The following ANKRD36 variants were observed in gnomAD, a reference collection of about 807,000 sequenced individuals.
The protein encoded by ANKRD36 is ankyrin repeat domain-containing protein 36A.
Under a neutral mutation model 278.1 loss-of-function variants are expected in ANKRD36, and 179 were observed. The ratio of observed to expected loss-of-function variants is 0.64; its 90% CI spans 0.57 to 0.73. The LOEUF (loss-of-function observed/expected upper bound fraction) is 0.73. Among genes scored for constraint, ANKRD36 ranks in the 30% least tolerant of loss-of-function variants. The probability of loss-of-function intolerance (pLI) is 0.00; values close to 1 mark genes in which losing one functional copy is unlikely to be tolerated. For synonymous variants in ANKRD36, 320 were observed against 641.1 expected (o/e 0.50, Z 7.57); for missense variants, 1,159 against 1,956.7 (o/e 0.59, Z 7.69).
chr2:97,166,088 T>A (rs1373109436), intron 20 of ANKRD36, among the ~76,000 whole-genome samples: 1 of 151,336 alleles, frequency 6.6e-6, no homozygotes, highest in African/African-American at 2.4e-5. Flanking sequence ...AATGGTGTAA[T>A]GTGTATTTAA....
chr2:97,184,809 TC>T (rs1409716738), intron 28 of ANKRD36, among the ~76,000 whole-genome samples: 1 of 151,770 alleles, frequency 6.6e-6, no homozygotes, highest in African/African-American at 2.4e-5. Context: ...TCAATTTAGA[TC>T]CCTTCCACTT....
intron 42 of ANKRD36, among the ~76,000 whole-genome samples, chr2:97,197,159 C>T (rs1350673682): frequency 2.0e-5 from 3 of 151,864 alleles, no homozygotes; most frequent in Non-Finnish European, 2.9e-5. Context: ...TAAAAACAGA[C>T]AGAAAACTTG....
intron 66 of ANKRD36, among the ~76,000 whole-genome samples, chr2:97,220,756 A>ATTTT (rs1229484526): frequency 2.4e-4 from 16 of 66,206 alleles, no homozygotes; most frequent in African/African-American, 9.4e-4. Flanking sequence ...TTAATTTTTA[A>ATTTT]TTTTCTTTTT....
intron 14 of ANKRD36, among the ~76,000 whole-genome samples, chr2:97,153,973 A>C (rs549259011): frequency 0.013 from 1,920 of 148,544 alleles, 9 homozygotes; most frequent in African/African-American, 0.044. Context: ...TGTGGACCTG[A>C]ATAAGGCAGG....
chr2:97,210,837 G>A (rs2064284085), intron 56 of ANKRD36, among the ~76,000 whole-genome samples: 5 of 151,806 alleles, frequency 3.3e-5, no homozygotes, highest in Admixed American at 3.3e-4. Flanking sequence ...GTATGTCAAA[G>A]TTGATAATTG....
At chr2:97,122,846 A>G (rs756903791) in intron 3 of ANKRD36, 41 bp from the exon 4 acceptor site, 389 of 1,503,332 alleles carry the variant, frequency 2.6e-4, no homozygotes, top group Non-Finnish European at 3.3e-4. Context: ...GTTGATAAAT[A>G]TGTAATTTTG....
intron 67 of ANKRD36, among the ~76,000 whole-genome samples, chr2:97,229,705 A>G (rs1035743683): frequency 1.3e-5 from 2 of 151,944 alleles, no homozygotes; most frequent in African/African-American, 2.4e-5. Flanking sequence ...TATTTTGCTA[A>G]TTAGTTAATG....
At chr2:97,145,938 AC>A (rs1318728405) in intron 10 of ANKRD36, among the ~76,000 whole-genome samples, 2 of 152,090 alleles carry the variant, frequency 1.3e-5, no homozygotes, top group Non-Finnish European at 2.9e-5. Context: ...GTCATTGTGT[AC>A]CTGCTGGATT....
intron 3 of ANKRD36, among the ~76,000 whole-genome samples, chr2:97,121,591 A>G (rs1010666311): frequency 6.6e-6 from 1 of 152,122 alleles, no homozygotes; most frequent in African/African-American, 2.4e-5. Flanking sequence ...GGTTGCAGTG[A>G]GCCAAGATGG....
Position 97,196,734 on chromosome 2 carries a change from G to A in ANKRD36, c.2599G>A (p.Asp867Asn), listed in dbSNP as rs1019568893. 1.9e-6 allele frequency: 3 copies of A among 1,558,580 alleles called. No homozygotes were observed. The highest frequency in any genetic ancestry group is 2.6e-6 in the Non-Finnish European group (3 of 1,154,316). ...PTLKGTSDEE[D>N]SVLGIARENK... ...CATTCAGGGTACAAGTGACGAGGAA[G>A]ATTCTGTTTTGGGTATAGCCAGAGA... The change falls in exon 42 of 76, where the codon GAT becomes AAT. Residue 867 changes from aspartate (D) to asparagine (N), a missense_variant. Transcript: ENST00000420699.
intron 6 of ANKRD36, among the ~76,000 whole-genome samples, chr2:97,127,685 T>G (rs1014667502): frequency 5.9e-5 from 9 of 152,010 alleles, no homozygotes; most frequent in African/African-American, 2.2e-4. Context: ...GTAGTTTCCT[T>G]GTAGTTCGAT....
At chr2:97,137,128 A>G (rs1574759231) in intron 6 of ANKRD36, among the ~76,000 whole-genome samples, 2 of 151,942 alleles carry the variant, frequency 1.3e-5, no homozygotes, top group East Asian at 3.9e-4. Flanking sequence ...ACAAGGTCTA[A>G]GGCATGTACA....
rs1170448236 is a variant in ANKRD36 at position 97,209,793 on chromosome 2, C to T, written c.3295-7C>T. ...TTACTTATTATTTCATTTCAAATTC[C>T]ATTCAGGCTACAAGTGACGAGAAAG... On this transcript the variant is annotated splice_polypyrimidine_tract_variant and splice_region_variant and intron_variant, in intron 55 of 75. Coordinates refer to ENST00000420699, the MANE Select transcript of ANKRD36 (RefSeq NM_001354587.1). 1 of 1,600,406 alleles carries T rather than the reference C, an allele frequency of 6.2e-7. No individual in the cohort carries two copies. The highest frequency in any genetic ancestry group is 8.5e-7 in the Non-Finnish European group (1 of 1,175,888).
In ANKRD36 at chr2:97,181,772, A is replaced by G. The variant is rs2443852; in HGVS notation, c.1816A>G (p.Lys606Glu). 1.5e-3 allele frequency: 2,484 copies of G among 1,608,456 alleles called. 57 individuals are homozygous for G. In the African/African-American group the frequency reaches 0.029, roughly 19 times the overall value. ...SVSNIATEIK[K>E]GQQSGTVSPQ... ...TTCAAATATAGCCACAGAAATAAAGAAGGGACAACAATCTGGGACAGGTAA... is the reference window on the plus strand; with the variant it reads ...TTCAAATATAGCCACAGAAATAAAGGAGGGACAACAATCTGGGACAGGTAA... The change falls in exon 26 of 76, where the codon AAG (lysine) becomes GAG (glutamate). Residue 606 changes from lysine to glutamate, a missense_variant. By Grantham distance (56) the Lys-to-Glu change is moderately conservative (BLOSUM62 1). Coordinates refer to ENST00000420699, the MANE Select transcript of ANKRD36 (RefSeq NM_001354587.1).
intron 6 of ANKRD36, among the ~76,000 whole-genome samples, chr2:97,131,791 G>T (rs2040218648): frequency 6.6e-6 from 1 of 151,728 alleles, no homozygotes; most frequent in African/African-American, 2.4e-5. Flanking sequence ...TTATCACAAT[G>T]ACCTGAATGA....
intron 67 of ANKRD36, among the ~76,000 whole-genome samples, chr2:97,227,218 G>A (rs2070090706): frequency 6.6e-6 from 1 of 152,124 alleles, no homozygotes; most frequent in African/African-American, 2.4e-5. Context: ...ACCTTGGGCA[G>A]TATGGCCATT....
chr2:97,147,171 A>C (rs1001439240), intron 11 of ANKRD36, among the ~76,000 whole-genome samples: 27 of 151,904 alleles, frequency 1.8e-4, no homozygotes, highest in Non-Finnish European at 3.5e-4. Flanking sequence ...TATTAAAATG[A>C]TATTTCTAAT....
At chr2:97,203,956 G>T (rs371387265) in intron 48 of ANKRD36, 112 bp from the exon 49 acceptor site, 4 of 1,474,244 alleles carry the variant, frequency 2.7e-6, no homozygotes, top group Non-Finnish European at 2.8e-6. Context: ...AGCCATCAAA[G>T]CATACGCTAA....
At chr2:97,152,413 A>G (rs2046299995) in intron 13 of ANKRD36, 91 bp from the exon 14 acceptor site, 2 of 1,158,810 alleles carry the variant, frequency 1.7e-6, no homozygotes, top group Non-Finnish European at 2.4e-6. Flanking sequence ...AGCTGGGATT[A>G]TAGGAACAAG....
Sources: allele counts gnomAD v4.1 joint callset (sites outside exome capture counted in the v4.1 genomes callset), GRCh38; gene constraint gnomAD v4.1.1; transcripts MANE v1.5; gene names NCBI Gene and HGNC (gene_info 2026-07-23, HGNC 2026-07-21).